ARHGEF16: variants seen among roughly 807,000 people sequenced by gnomAD.
The protein encoded by ARHGEF16 is Rho guanine nucleotide exchange factor 16.
In ARHGEF16, 59 loss-of-function variants were observed where a neutral mutation model predicts 74.1. The ratio of observed to expected loss-of-function variants is 0.80; its 90% CI spans 0.65 to 0.99. The LOEUF (loss-of-function observed/expected upper bound fraction) is 0.99. ARHGEF16 is among the 50% of genes least tolerant of loss of function. The pLI, the probability that ARHGEF16 is intolerant of heterozygous loss-of-function variation, is 0.00. For missense variants in ARHGEF16, 948 were observed against 986.6 expected, an observed-to-expected ratio of 0.96 and a Z score of 0.52; for synonymous variants, 415 against 412.6, an observed-to-expected ratio of 1.01 and a Z score of -0.07.
chr1:3,460,173 G>A (rs1285918076), intron 1 of ARHGEF16, among the ~76,000 whole-genome samples: 1 of 152,244 alleles, frequency 6.6e-6, no homozygotes, highest in Non-Finnish European at 1.5e-5. Flanking sequence ...GCCTGTGGGT[G>A]CGGCTGCCTC....
At chr1:3,479,614 G>A (rs1639999073) in intron 13 of ARHGEF16, 24 bp downstream of exon 13, 3 of 1,606,030 alleles carry the variant, frequency 1.9e-6, no homozygotes, top group Non-Finnish European at 2.5e-6. Flanking sequence ...GGGGCCTGCA[G>A]GGCTGGCCCT....
intron 1 of ARHGEF16, among the ~76,000 whole-genome samples, chr1:3,455,762 C>T (rs1639253014): frequency 6.6e-6 from 1 of 152,128 alleles, no homozygotes; most frequent in Admixed American, 6.5e-5. Context: ...GGCATAGTTC[C>T]CAGGTGTGTG....
rs57844687 is a variant in ARHGEF16 at position 3,480,485 on chromosome 1, G to A, written c.2028G>A (p.Thr676=). 1.2e-3 allele frequency: 1,938 copies of A among 1,612,628 alleles called. 17 individuals are homozygous for A. The African/African-American group carries it at 0.024, about 20-fold the overall frequency. ...LYGERLRDGE[T]GWFPEDFARF... ...GCGAGAGGCTCCGGGACGGAGAGAC[G>A]GGATGGTTCCCCGAGGACTTTGCCC... is the stretch of plus-strand genomic sequence containing the variant. The change falls in exon 15 of 15, where the codon ACG becomes ACA. Residue 676 remains threonine, a synonymous_variant. Transcript: ENST00000378378.
intron 1 of ARHGEF16, among the ~76,000 whole-genome samples, chr1:3,458,756 T>C (rs1273608346): frequency 2.0e-5 from 3 of 152,190 alleles, no homozygotes; most frequent in Non-Finnish European, 4.4e-5. Flanking sequence ...GGGGCGCAGC[T>C]CCAGCAGCCA....
chr1:3,455,320 G>C (rs1639242262), intron 1 of ARHGEF16, among the ~76,000 whole-genome samples: 1 of 152,000 alleles, frequency 6.6e-6, no homozygotes, highest in African/African-American at 2.4e-5. Flanking sequence ...CGAGAAGGAA[G>C]AACCCCACAC....
intron 1 of ARHGEF16, 83 bp from the exon 2 acceptor site, chr1:3,462,983 A>G: frequency 1.0e-6 from 1 of 977,170 alleles, no homozygotes; most frequent in South Asian, 2.0e-5. Context: ...CCGGCCAGAC[A>G]TATGCAAAGG....
At chr1:3,459,579 G>T (rs892165549) in intron 1 of ARHGEF16, among the ~76,000 whole-genome samples, 3 of 152,208 alleles carry the variant, frequency 2.0e-5, no homozygotes, top group African/African-American at 7.2e-5. Context: ...GATCCGCCCA[G>T]GGTGAGGCCC....
intron 1 of ARHGEF16, among the ~76,000 whole-genome samples, chr1:3,457,405 A>G (rs915478421): frequency 3.9e-5 from 6 of 152,216 alleles, no homozygotes; most frequent in African/African-American, 1.4e-4. Context: ...CCTGTGCAAC[A>G]TCCTAACCGG....
intron 11 of ARHGEF16, 112 bp downstream of exon 11, chr1:3,478,138 C>G: frequency 2.1e-6 from 3 of 1,436,778 alleles, no homozygotes; most frequent in African/African-American, 1.4e-5. Context: ...ACCTCAGAGC[C>G]GAGGCGCGGC....
intron 10 of ARHGEF16, among the ~76,000 whole-genome samples, chr1:3,477,594 C>A (rs1345368715): frequency 6.6e-6 from 1 of 151,594 alleles, no homozygotes; most frequent in Non-Finnish European, 1.5e-5. Context: ...CACTGGCCTT[C>A]GAGTCCTGGC....
chr1:3,471,768 T>A, intron 6 of ARHGEF16: 1 of 1,147,216 alleles, frequency 8.7e-7, no homozygotes, highest in South Asian at 1.7e-5. Context: ...CAGTGAACTG[T>A]CTGGGGAATC....
Position 3,468,074 on chromosome 1 carries a change from C to T in ARHGEF16, c.804+737C>T, listed in dbSNP as rs1176133947. Among the ~76,000 whole-genome samples, 9 of 152,182 alleles carry T rather than the reference C, an allele frequency of 5.9e-5. No individual in the cohort carries two copies. In the East Asian group the frequency reaches 1.7e-3, roughly 29 times the overall value. ...GGTGAGGGCAGGCAGCGGGCAGCCT[C>T]CCCACAGATAGAAAGGCCTAGAAGT... On this transcript the variant is annotated intron_variant, in intron 4 of 14. Transcript: ENST00000378378.
intron 5 of ARHGEF16, 33 bp from the exon 6 acceptor site, chr1:3,469,400 C>A: frequency 1.2e-6 from 2 of 1,609,688 alleles, no homozygotes; most frequent in South Asian, 1.1e-5. Context: ...TGTCCAGCGT[C>A]ACTGTGGGGC....
rs367795113 is a variant in ARHGEF16, at chr1:3,467,160, C to G, written c.635-8C>G. 2.6e-4 allele frequency: 397 copies of G among 1,548,706 alleles called. 1 individual carries two copies. In the East Asian group the frequency reaches 9.3e-3, roughly 36 times the overall value. ...CAGGGCCACAGGTTACCCTCCTTCT[C>G]TCTCTAGACCCCCAGCTCTACCAGG... On this transcript the variant is annotated splice_region_variant and splice_polypyrimidine_tract_variant and intron_variant, in intron 3 of 14. Coordinates refer to ENST00000378378, the MANE Select transcript of ARHGEF16 (RefSeq NM_014448.4).
intron 10 of ARHGEF16, among the ~76,000 whole-genome samples, chr1:3,477,150 G>A (rs983229819): frequency 1.3e-5 from 2 of 151,578 alleles, no homozygotes; most frequent in African/African-American, 4.9e-5. Context: ...TGAGTCTGTA[G>A]TGGGCACAGG....
chr1:3,458,052 T>G (rs1639305185), intron 1 of ARHGEF16, among the ~76,000 whole-genome samples: 1 of 152,170 alleles, frequency 6.6e-6, no homozygotes. Context: ...AGTTGGTTCT[T>G]GGCACGGAAC....
At chr1:3,470,730 T>A (rs941588130) in intron 6 of ARHGEF16, among the ~76,000 whole-genome samples, 1 of 146,058 alleles carries the variant, frequency 6.8e-6, no homozygotes, top group African/African-American at 2.6e-5. Flanking sequence ...TGGTCAGGGG[T>A]GTGTGTGAGT....
chr1:3,459,564 C>A (rs1464312874), intron 1 of ARHGEF16, among the ~76,000 whole-genome samples: 1 of 152,122 alleles, frequency 6.6e-6, no homozygotes, highest in African/African-American at 2.4e-5. Flanking sequence ...CAGAGGAGGT[C>A]CTGGGATCCG....
intron 6 of ARHGEF16, among the ~76,000 whole-genome samples, chr1:3,470,625 G>A (rs1639684988): frequency 2.7e-5 from 4 of 149,444 alleles, no homozygotes; most frequent in South Asian, 2.2e-4. Flanking sequence ...GTGTGTGTGC[G>A]TGGGCAGGGA....
Sources: allele counts gnomAD v4.1 joint callset (sites outside exome capture counted in the v4.1 genomes callset), GRCh38; gene constraint gnomAD v4.1.1; transcripts MANE v1.5; gene names NCBI Gene and HGNC (gene_info 2026-07-23, HGNC 2026-07-21).